The following STK11 variants were observed in gnomAD, a reference collection of about 807,000 sequenced individuals.
STK11 encodes the protein serine/threonine-protein kinase STK11.
STK11 carries 8 observed loss-of-function variants against 47.3 expected under a neutral mutation model. The ratio of observed to expected loss-of-function variants is 0.17; its 90% CI spans 0.10 to 0.31. The LOEUF (loss-of-function observed/expected upper bound fraction) is 0.31, where lower values mean the gene tolerates loss of function less well. Among genes scored for constraint, STK11 ranks in the 10% least tolerant of loss-of-function variants. The probability of loss-of-function intolerance (pLI) is 1.00; values close to 1 mark genes in which losing one functional copy is unlikely to be tolerated. For missense variants in STK11, 475 were observed against 605.0 expected, an observed-to-expected ratio of 0.79 and a Z score of 2.25; for synonymous variants, 330 against 255.8, an observed-to-expected ratio of 1.29 and a Z score of -2.77.
rs974509070 is a variant in STK11 at position 1,227,634 on chromosome 19, C to CA, written c.*59dup. 1 of 1,067,276 alleles carries CA rather than the reference C, an allele frequency of 9.4e-7. No individual in the cohort carries two copies. Among genetic ancestry groups the CA allele is most frequent in the African/African-American group, 1.6e-5 (1 of 61,082 alleles). 66.1% of individuals were successfully genotyped at this position (1,067,276 alleles called of 1,614,324 possible). A position where few individuals can be genotyped will look rare whatever the true frequency, so the allele number is the denominator to read the frequency against. The stretch of plus-strand genomic sequence containing the variant: ...CCGCCAGGTGCCCGCGCCAGGCCCT[C>CA]AGTCTTCCTGCCGGTTCCGCCCGCC... On this transcript the variant is annotated 3_prime_UTR_variant, in exon 10 of 10. Transcript: ENST00000326873.
chr19:1,225,934 G>A, intron 8 of STK11: 1 of 992,390 alleles, frequency 1.0e-6, no homozygotes, highest in Non-Finnish European at 1.2e-6. Flanking sequence ...GTGGCTAGCA[G>A]GGACTGGGGG....
intron 1 of STK11, 138 bp from the exon 2 acceptor site, chr19:1,218,279 C>G: frequency 4.0e-6 from 3 of 758,844 alleles, no homozygotes; most frequent in Non-Finnish European, 6.9e-6. Context: ...TCCCACAGCA[C>G]TGTGAACTCA....
At chr19:1,213,537 C>T (rs894773081) in intron 1 of STK11, among the ~76,000 whole-genome samples, 1 of 152,244 alleles carries the variant, frequency 6.6e-6, no homozygotes, top group Non-Finnish European at 1.5e-5. Flanking sequence ...TGGCCTTTTG[C>T]GTCCGGCTTG....
chr19:1,222,905 G>C lies in STK11; in HGVS notation c.921-80G>C, dbSNP rs2080795032. 5.5e-6 allele frequency: 8 copies of C among 1,441,882 alleles called. No individual in the cohort carries two copies. In the Admixed American group the frequency reaches 6.9e-5, roughly 12 times the overall value. The allele number at this position is 1,441,882 out of a possible 1,614,324, so 89.3% of individuals were successfully genotyped here. A position where few individuals can be genotyped will look rare whatever the true frequency, so the allele number is the denominator to read the frequency against. On this transcript the variant is annotated intron_variant, in intron 7 of 9. Transcript: ENST00000326873. ...CTCCTGAGTGTGTGGCAGGTACCCT[G>C]GGCCCAGAGGAGCTGGGTCGGAAAA...
chr19:1,208,120 T>C (rs2080681304), intron 1 of STK11, among the ~76,000 whole-genome samples: 1 of 152,086 alleles, frequency 6.6e-6, no homozygotes, highest in African/African-American at 2.4e-5. Context: ...AAGGACCTTA[T>C]CTGCTGGGCT....
chr19:1,207,073 C>T lies in STK11; in HGVS notation c.160C>T (p.Leu54=), dbSNP rs755390787. Residue 54 remains leucine, a synonymous_variant, in exon 1 of 10, where the codon CTG becomes TTG. Transcript: ENST00000326873. ...CATCGGCAAGTACCTGATGGGGGAC[C>T]TGCTGGGGGAAGGCTCTTACGGCAA... ...KLIGKYLMGD[L]LGEGSYGKVK... is the part of the protein sequence containing the mutation. The T allele has an allele frequency of 4.3e-6, 7 of 1,613,928 alleles. No individual in the cohort carries two copies. The highest frequency in any genetic ancestry group is 2.7e-5 in the African/African-American group (2 of 75,026).
intron 1 of STK11, among the ~76,000 whole-genome samples, chr19:1,209,547 G>T (rs768009562): frequency 3.9e-5 from 6 of 151,920 alleles, no homozygotes; most frequent in Non-Finnish European, 7.4e-5. Flanking sequence ...GCACCATTGC[G>T]CTCCAGCCTG....
chr19:1,227,961 T>C lies in STK11; in HGVS notation c.*385T>C. The C allele has an allele frequency of 9.3e-7, 1 of 1,069,648 alleles. No homozygotes were observed. The highest frequency in any genetic ancestry group is 1.1e-6 in the Non-Finnish European group (1 of 881,954). 66.3% of individuals were successfully genotyped at this position (1,069,648 alleles called of 1,614,324 possible). A position where few individuals can be genotyped will look rare whatever the true frequency, so the allele number is the denominator to read the frequency against. ...CCCGCCGCAGACCAGCTGGCGGGTG[T>C]GGAGACCAGGCTCCTGACCCCGCCA... On this transcript the variant is annotated 3_prime_UTR_variant, in exon 10 of 10. Transcript: ENST00000326873.
chr19:1,227,548 A>G, intron 9 of STK11, 45 bp from the exon 10 acceptor site: 1 of 1,061,964 alleles, frequency 9.4e-7, no homozygotes, highest in African/African-American at 1.6e-5. Context: ...GAGGCGGAGA[A>G]CCGGTGCCCA....
intron 7 of STK11, 96 bp from the exon 8 acceptor site, chr19:1,222,883 CTGAGTG>C: frequency 1.5e-6 from 2 of 1,347,294 alleles, no homozygotes; most frequent in Non-Finnish European, 2.0e-6. Context: ...GTCCCAGCTC[CTGAGTG>C]TGTGGCAGGT....
Position 1,221,968 on chromosome 19 carries a change from G to A in STK11, c.882G>A (p.Pro294=), listed in dbSNP as rs587781178. Residue 294 remains proline, a synonymous_variant, in exon 7 of 10, where the codon CCG becomes CCA. Transcript: ENST00000326873. The part of the protein sequence containing the change: ...DLLKGMLEYE[P]AKRFSIRQIR... Reference sequence around the variant, plus strand: ...CCTCAGGGATGCTTGAGTACGAACCGGCCAAGAGGTTCTCCATCCGGCAGA... The same window carrying A: ...CCTCAGGGATGCTTGAGTACGAACCAGCCAAGAGGTTCTCCATCCGGCAGA... 19 of 1,565,228 alleles carry A rather than the reference G, an allele frequency of 1.2e-5. No homozygotes were observed. The highest frequency in any genetic ancestry group is 3.8e-5 in the Admixed American group (2 of 53,244).
intron 3 of STK11, 114 bp downstream of exon 3, chr19:1,219,527 A>AGTTTTTTT (rs988609018): frequency 1.8e-5 from 21 of 1,191,018 alleles, no homozygotes; most frequent in Non-Finnish European, 1.7e-5. Context: ...TGAAGGCCCA[A>AGTTTTTTT]GTTTTTTTGT....
At chr19:1,208,481 G>C (rs1322928440) in intron 1 of STK11, among the ~76,000 whole-genome samples, 1 of 147,768 alleles carries the variant, frequency 6.8e-6, no homozygotes, top group African/African-American at 2.5e-5. Context: ...CCAATTTTTT[G>C]TATTTTTCAG....
At chr19:1,208,521 G>C (rs1437233428) in intron 1 of STK11, among the ~76,000 whole-genome samples, 1 of 150,644 alleles carries the variant, frequency 6.6e-6, no homozygotes, top group Non-Finnish European at 1.5e-5. Flanking sequence ...TGTTAGCCAG[G>C]ATGGTCTCAA....
chr19:1,218,491 A>T lies in STK11; in HGVS notation c.365A>T (p.Lys122Met). 1 of 1,613,534 alleles carries T rather than the reference A, an allele frequency of 6.2e-7. No homozygotes were observed. The highest frequency in any genetic ancestry group is 8.5e-7 in the Non-Finnish European group (1 of 1,179,762). Residue 122 changes from lysine to methionine, a missense_variant, in exon 2 of 10, where the codon AAG becomes ATG. Around this residue, in one of 5 missense-constraint regions of STK11, gnomAD observed 46 missense variants for 45.5 expected, o/e 1.01. Transcript: ENST00000326873. ...QLVDVLYNEEKQKMYMVMEYC... is the reference protein window; with the variant it reads ...QLVDVLYNEEMQKMYMVMEYC... ...GTGGATGTGTTATACAACGAAGAGA[A>T]GCAGAAAATATATCCTTTCCGGTGT... is the stretch of plus-strand genomic sequence containing the variant.
chr19:1,212,221 T>A (rs2080716036), intron 1 of STK11, among the ~76,000 whole-genome samples: 1 of 151,110 alleles, frequency 6.6e-6, no homozygotes, highest in Admixed American at 6.6e-5. Context: ...ACGGCCCGTA[T>A]ATCCCACAAA....
chr19:1,223,596 G>C (rs1186870852), intron 8 of STK11: 1 of 1,077,936 alleles, frequency 9.3e-7, no homozygotes, highest in East Asian at 5.2e-5. Context: ...CGTCCCTGAG[G>C]CCTGCCCGCT....
At chr19:1,224,371 G>A (rs1432149777) in intron 8 of STK11, 2 of 985,184 alleles carry the variant, frequency 2.0e-6, no homozygotes, top group Non-Finnish European at 2.4e-6. Context: ...TGGGTACCCT[G>A]GTCACTAGGG....
chr19:1,227,738 G>C lies in STK11; in HGVS notation c.*162G>C. On this transcript the variant is annotated 3_prime_UTR_variant, in exon 10 of 10. Transcript: ENST00000326873. ...GGAGCGCCCTGCAGGGCCGGGCAGG[G>C]GGACAGCAGGGACCGGGCGCAGCCC... 9.3e-7 allele frequency: 1 copy of C among 1,072,318 alleles called. No homozygotes were observed. The highest frequency in any genetic ancestry group is 1.1e-6 in the Non-Finnish European group (1 of 883,628). 66.4% of individuals were successfully genotyped at this position (1,072,318 alleles called of 1,614,324 possible).
Sources: gnomAD v4.1 joint callset for allele counts (sites outside exome capture counted in the v4.1 genomes callset) on GRCh38, gnomAD v4.1.1 for gene constraint, gnomAD v4.1.1 regional missense constraint, MANE v1.5 for transcripts, NCBI Gene and HGNC (gene_info 2026-07-23, HGNC 2026-07-21) for gene names.